PDE4B: variants seen among roughly 807,000 people sequenced by gnomAD.
PDE4B encodes the protein 3',5'-cyclic-AMP phosphodiesterase 4B.
Under a neutral mutation model 82.2 loss-of-function variants are expected in PDE4B, and 20 were observed. That is an observed-to-expected ratio of 0.24 (90% CI 0.17 to 0.35). The LOEUF is 0.35. Ranked by LOEUF, PDE4B falls within the 10% of genes least tolerant of loss-of-function variation. The pLI is 1.00. For missense variants in PDE4B, 655 were observed against 907.2 expected (o/e 0.72, Z 3.57); for synonymous variants, 320 against 318.9 (o/e 1.00, Z -0.04).
intron 3 of PDE4B, among the ~76,000 whole-genome samples, chr1:66,164,238 T>C (rs1279244492): frequency 6.6e-6 from 1 of 152,014 alleles, no homozygotes; most frequent in Non-Finnish European, 1.5e-5. Flanking sequence ...TCATCTCTTA[T>C]GAAAAGACCA....
intron 3 of PDE4B, among the ~76,000 whole-genome samples, chr1:66,040,028 A>G (rs1654282206): frequency 6.6e-6 from 1 of 152,014 alleles, no homozygotes; most frequent in African/African-American, 2.4e-5. Context: ...CTCTCCCTCC[A>G]TTAGCATCCA....
chr1:65,840,718 T>A (rs1404377086), intron 1 of PDE4B, among the ~76,000 whole-genome samples: 1 of 152,188 alleles, frequency 6.6e-6, no homozygotes, highest in Non-Finnish European at 1.5e-5. Context: ...ACACACTTCC[T>A]CTGTCCAAGG....
intron 3 of PDE4B, among the ~76,000 whole-genome samples, chr1:66,016,647 T>C (rs769654718): frequency 1.3e-5 from 2 of 152,132 alleles, no homozygotes; most frequent in African/African-American, 4.8e-5. Context: ...GATAAGGAAA[T>C]GTCTTAGCTA....
intron 3 of PDE4B, among the ~76,000 whole-genome samples, chr1:66,117,921 C>G (rs1003903842): frequency 1.3e-5 from 2 of 152,120 alleles, no homozygotes; most frequent in African/African-American, 2.4e-5. Context: ...GTTTACAGTC[C>G]CACCAACAGT....
intron 7 of PDE4B, among the ~76,000 whole-genome samples, chr1:66,318,370 AAAGTT>A (rs1015623126): frequency 1.3e-5 from 2 of 152,224 alleles, no homozygotes; most frequent in African/African-American, 4.8e-5. Flanking sequence ...GGTCAAAAAT[AAAGTT>A]AAGCCAATCC....
chr1:65,816,190 A>AGTGTGT (rs139330007), intron 1 of PDE4B, among the ~76,000 whole-genome samples: 19,513 of 132,564 alleles, frequency 0.15, 1,531 homozygotes, highest in Middle Eastern at 0.21. Flanking sequence ...TTATTAATGC[A>AGTGTGT]GTGTGTGTGT....
intron 7 of PDE4B, among the ~76,000 whole-genome samples, chr1:66,296,119 G>A (rs887677639): frequency 1.3e-5 from 2 of 152,062 alleles, no homozygotes; most frequent in African/African-American, 2.4e-5. Context: ...CTGAGCATCC[G>A]GGGCTTATCT....
chr1:66,043,837 T>G (rs1473603302), intron 3 of PDE4B, among the ~76,000 whole-genome samples: 1 of 151,636 alleles, frequency 6.6e-6, no homozygotes, highest in Admixed American at 6.6e-5. Context: ...GTGAAAAAAT[T>G]TTGTTTTTCT....
At chr1:65,990,965 C>A (rs1305918339) in intron 3 of PDE4B, among the ~76,000 whole-genome samples, 3 of 152,142 alleles carry the variant, frequency 2.0e-5, no homozygotes, top group African/African-American at 7.2e-5. Flanking sequence ...GTTTCAACCA[C>A]TTTCCCAAGG....
At chr1:66,254,339 A>G (rs1654024868) in intron 4 of PDE4B, among the ~76,000 whole-genome samples, 2 of 152,238 alleles carry the variant, frequency 1.3e-5, no homozygotes, top group South Asian at 4.1e-4. Context: ...AAGGTTGGAA[A>G]GGGTCAGTTT....
At chr1:66,366,934 C>T (rs1663297676) in intron 13 of PDE4B, among the ~76,000 whole-genome samples, 1 of 152,098 alleles carries the variant, frequency 6.6e-6, no homozygotes, top group African/African-American at 2.4e-5. Flanking sequence ...AACACATTAC[C>T]ACCACTTGTC....
intron 3 of PDE4B, among the ~76,000 whole-genome samples, chr1:66,174,558 C>T (rs917079005): frequency 4.6e-5 from 7 of 151,968 alleles, no homozygotes; most frequent in Non-Finnish European, 7.4e-5. Flanking sequence ...GAGTTCGAGA[C>T]CAGCCTGACC....
intron 3 of PDE4B, among the ~76,000 whole-genome samples, chr1:66,013,480 T>G (rs568289752): frequency 6.6e-6 from 1 of 152,302 alleles, no homozygotes; most frequent in South Asian, 2.1e-4. Flanking sequence ...TTTTTAAATT[T>G]AAGTGTGGTG....
intron 3 of PDE4B, among the ~76,000 whole-genome samples, chr1:66,036,220 A>G (rs1654052449): frequency 6.6e-6 from 1 of 152,172 alleles, no homozygotes; most frequent in African/African-American, 2.4e-5. Flanking sequence ...TATTTTGGAT[A>G]TTAGCCCCTT....
rs114499962 is a variant in PDE4B, at chr1:65,965,082, C to A, written c.281+46247C>A. Among the ~76,000 whole-genome samples, 1,367 of 152,144 alleles carry A rather than the reference C, an allele frequency of 9.0e-3. 13 individuals are homozygous for A. Among genetic ancestry groups the A allele is most frequent in the African/African-American group, 0.031 (1,286 of 41,530 alleles). ...TCTTACACAATTAACTAAAATGAGACATATATATGTGCCAAATGTATGGTG... is the reference window on the plus strand; with the variant it reads ...TCTTACACAATTAACTAAAATGAGAAATATATATGTGCCAAATGTATGGTG... On this transcript the variant is annotated intron_variant, in intron 3 of 16. Coordinates refer to ENST00000341517, the MANE Select transcript of PDE4B (RefSeq NM_002600.4).
intron 1 of PDE4B, among the ~76,000 whole-genome samples, chr1:65,843,837 G>T (rs1646237409): frequency 6.6e-6 from 1 of 152,024 alleles, no homozygotes; most frequent in Non-Finnish European, 1.5e-5. Context: ...TCTAAAAATG[G>T]CATATCTCTA....
intron 1 of PDE4B, among the ~76,000 whole-genome samples, chr1:65,847,492 C>T (rs564727646): frequency 2.6e-4 from 40 of 152,288 alleles, no homozygotes; most frequent in African/African-American, 9.4e-4. Context: ...TTATTTAATA[C>T]AAGTTGATGG....
rs569759576 is a variant in PDE4B, at chr1:66,361,492, G to A, written c.842-123G>A. 17 of 708,436 alleles carry A rather than the reference G, an allele frequency of 2.4e-5. No homozygotes were observed. The African/African-American group carries it at 2.8e-4, about 12-fold the overall frequency. The allele number at this position is 708,436 out of a possible 1,614,324, so 43.9% of individuals were successfully genotyped here. On this transcript the variant is annotated intron_variant, in intron 9 of 16. Transcript: ENST00000341517. The stretch of plus-strand genomic sequence containing the variant: ...ACTGCCCTAGAGATACAGTGAAATA[G>A]TGCTACAAGATTTTATTTTATAAGA...
At chr1:66,180,178 G>A (rs1647030323) in intron 3 of PDE4B, among the ~76,000 whole-genome samples, 1 of 152,138 alleles carries the variant, frequency 6.6e-6, no homozygotes, top group Admixed American at 6.6e-5. Flanking sequence ...ATTGCAATCT[G>A]GTAAGTGTCT....
Sources: gnomAD v4.1 joint callset for allele counts (sites outside exome capture counted in the v4.1 genomes callset) on GRCh38, gnomAD v4.1.1 for gene constraint, MANE v1.5 for transcripts, NCBI Gene and HGNC (gene_info 2026-07-23, HGNC 2026-07-21) for gene names.